The following GRK5 variants were observed in gnomAD, a reference collection of about 807,000 sequenced individuals.
GRK5 encodes the protein g protein-coupled receptor kinase GRK5.
A neutral mutation model predicts 78.4 loss-of-function variants in GRK5; 40 were observed. The ratio of observed to expected loss-of-function variants is 0.51; its 90% CI spans 0.40 to 0.66. GRK5 has a LOEUF of 0.66. Ranked by LOEUF, GRK5 falls within the 30% of genes least tolerant of loss-of-function variation. GRK5 has a pLI of 0.00. For missense variants in GRK5, 598 were observed against 759.9 expected (o/e 0.79, Z 2.50); for synonymous variants, 289 against 296.8 (o/e 0.97, Z 0.27).
intron 1 of GRK5, among the ~76,000 whole-genome samples, chr10:119,226,564 T>G (rs1848744763): frequency 6.8e-6 from 1 of 147,682 alleles, no homozygotes; most frequent in Non-Finnish European, 1.5e-5. Flanking sequence ...TTTTTTTTTT[T>G]GAGACACAGT....
intron 1 of GRK5, among the ~76,000 whole-genome samples, chr10:119,228,913 T>G (rs186283251): frequency 6.6e-6 from 1 of 152,180 alleles, no homozygotes; most frequent in Admixed American, 6.5e-5. Flanking sequence ...CCATGGGAGA[T>G]TCTAGGATTA....
intron 1 of GRK5, among the ~76,000 whole-genome samples, chr10:119,323,583 G>A (rs1343834790): frequency 6.6e-6 from 1 of 152,156 alleles, no homozygotes; most frequent in Non-Finnish European, 1.5e-5. Flanking sequence ...TTGTCTGGAG[G>A]CCACATGTGC....
chr10:119,452,934 G>C lies in GRK5; in HGVS notation c.1542+126G>C. Reference sequence around the variant, plus strand: ...GCATGGTTTCTGTTTTCTCCATGAAGGCAGCACACAAAAGCTGTCAGTGGC... The same window carrying C: ...GCATGGTTTCTGTTTTCTCCATGAACGCAGCACACAAAAGCTGTCAGTGGC... On this transcript the variant is annotated intron_variant, in intron 14 of 15. Transcript: ENST00000392870. This position sits in a 1 kb window ranked among gnomAD's most constrained non-coding sequence, Gnocchi z 4.4. 1 of 1,209,354 alleles carries C rather than the reference G, an allele frequency of 8.3e-7. No homozygotes were observed. Among genetic ancestry groups the C allele is most frequent in the Non-Finnish European group, 1.2e-6 (1 of 843,134 alleles). 74.9% of individuals were successfully genotyped at this position (1,209,354 alleles called of 1,614,324 possible).
At chr10:119,288,401 AG>A (rs35760081) in intron 1 of GRK5, among the ~76,000 whole-genome samples, 1 of 152,188 alleles carries the variant, frequency 6.6e-6, no homozygotes, top group South Asian at 2.1e-4. Flanking sequence ...TGTCTGGTTC[AG>A]GGTCTAGCAA....
chr10:119,297,335 A>G (rs935592243), intron 1 of GRK5, among the ~76,000 whole-genome samples: 1 of 152,224 alleles, frequency 6.6e-6, no homozygotes, highest in African/African-American at 2.4e-5. Context: ...CATTATCACT[A>G]TCACCATAAT....
Position 119,454,951 on chromosome 10 carries a change from C to T in GRK5, c.1675-18C>T, listed in dbSNP as rs764680888. On this transcript the variant is annotated intron_variant, in intron 15 of 15. Transcript: ENST00000392870. Reference sequence around the variant, plus strand: ...ACTTCTGTTCTCTCCACCCCGTCTCCCCCAACCCCAACCCCAGCATCAGAA... The same window carrying T: ...ACTTCTGTTCTCTCCACCCCGTCTCTCCCAACCCCAACCCCAGCATCAGAA... 4.4e-6 allele frequency: 7 copies of T among 1,574,698 alleles called. No homozygotes were observed. The highest frequency in any genetic ancestry group is 8.7e-7 in the Non-Finnish European group (1 of 1,145,098).
At chr10:119,296,730 G>A (rs906792366) in intron 1 of GRK5, among the ~76,000 whole-genome samples, 10 of 152,110 alleles carry the variant, frequency 6.6e-5, no homozygotes, top group South Asian at 2.1e-4. Context: ...TCAGTTTTGC[G>A]GCCCTCATAG....
chr10:119,234,550 T>C (rs1214189342), intron 1 of GRK5, among the ~76,000 whole-genome samples: 1 of 152,198 alleles, frequency 6.6e-6, no homozygotes, highest in Non-Finnish European at 1.5e-5. Flanking sequence ...GAAATGATAA[T>C]GTGTCTTAAA....
intron 3 of GRK5, among the ~76,000 whole-genome samples, chr10:119,389,993 G>A (rs547071520): frequency 1.8e-3 from 274 of 152,326 alleles, no homozygotes; most frequent in African/African-American, 6.4e-3. Flanking sequence ...ACTAGGTTAG[G>A]CTGGGATTGT....
At chr10:119,343,748 A>G (rs1199480555) in intron 2 of GRK5, among the ~76,000 whole-genome samples, 3 of 152,200 alleles carry the variant, frequency 2.0e-5, no homozygotes, top group Non-Finnish European at 2.9e-5. Context: ...CTTGCCCCGC[A>G]GATAGTAGGG....
intron 2 of GRK5, among the ~76,000 whole-genome samples, chr10:119,341,053 C>T (rs1850972984): frequency 6.6e-6 from 1 of 152,188 alleles, no homozygotes. Context: ...CGTGTGGCAC[C>T]TGGCCCAGTG....
chr10:119,365,141 C>T (rs750584227), intron 2 of GRK5, among the ~76,000 whole-genome samples: 2 of 152,126 alleles, frequency 1.3e-5, no homozygotes, highest in Non-Finnish European at 2.9e-5. Context: ...ATGTGGGACT[C>T]TTTAAAAAGA....
chr10:119,307,206 C>T (rs908970629), intron 1 of GRK5, among the ~76,000 whole-genome samples: 1 of 152,080 alleles, frequency 6.6e-6, no homozygotes, highest in Admixed American at 6.5e-5. Context: ...CCTGGAGTCA[C>T]ACAGCTAGTA....
chr10:119,319,425 G>A (rs749619697), intron 1 of GRK5, among the ~76,000 whole-genome samples: 1 of 152,254 alleles, frequency 6.6e-6, no homozygotes, highest in African/African-American at 2.4e-5. Context: ...TCCCCAGAGC[G>A]GGAGCCCCCC....
At chr10:119,370,025 C>G (rs1012939802) in intron 2 of GRK5, among the ~76,000 whole-genome samples, 5 of 152,192 alleles carry the variant, frequency 3.3e-5, no homozygotes, top group Admixed American at 3.3e-4. Flanking sequence ...AGCTCCATTA[C>G]TGCTCATGGT....
rs995217563 is a variant in GRK5, at chr10:119,455,293, T to C, written c.*226T>C. ...CGGCCGGGGTGGATTGGATTTGTCT[T>C]TGGTGAACATTGCAATAGAAATCCA... On this transcript the variant is annotated 3_prime_UTR_variant, in exon 16 of 16. Transcript: ENST00000392870. The C allele has an allele frequency of 8.7e-6, 6 of 693,080 alleles. No homozygotes were observed. The highest frequency in any genetic ancestry group is 1.3e-5 in the Non-Finnish European group (5 of 379,416). The allele number at this position is 693,080 out of a possible 1,614,324, so 42.9% of individuals were successfully genotyped here. A position where few individuals can be genotyped will look rare whatever the true frequency, so the allele number is the denominator to read the frequency against.
chr10:119,347,340 C>T (rs1851113259), intron 2 of GRK5, among the ~76,000 whole-genome samples: 1 of 151,418 alleles, frequency 6.6e-6, no homozygotes, highest in Admixed American at 6.6e-5. Context: ...TGTGAGTGTG[C>T]ATGTGTGTGC....
chr10:119,271,096 G>A lies in GRK5; in HGVS notation c.53-55420G>A, dbSNP rs1237098767. 6.6e-6 allele frequency among the ~76,000 whole-genome samples: 1 copy of A among 152,176 alleles called. No homozygotes were observed. Among genetic ancestry groups the A allele is most frequent in the East Asian group, 1.9e-4 (1 of 5,200 alleles). ...CTAGAAGTGACTGAATAGCAGACCG[G>A]GCTTTCGTAAGTAAGCTCACACTGT... On this transcript the variant is annotated intron_variant, in intron 1 of 15. Coordinates refer to ENST00000392870, the MANE Select transcript of GRK5 (RefSeq NM_005308.3). The surrounding 1 kb of genome is among the most constrained non-coding windows in gnomAD (Gnocchi z 4.1).
rs1050138982 is a variant in GRK5, at chr10:119,442,045, G to A, written c.1014G>A (p.Glu338=). 6.2e-6 allele frequency: 10 copies of A among 1,614,052 alleles called. No individual in the cohort carries two copies. The highest frequency in any genetic ancestry group is 8.5e-6 in the Non-Finnish European group (10 of 1,179,964). The change falls in exon 11 of 16, where the codon GAG becomes GAA. Residue 338 remains glutamate, a synonymous_variant. Transcript: ENST00000392870. ...SDLGLAVKIP[E]GDLIRGRVGT... ...TGGGCTTGGCTGTGAAGATCCCCGAGGGAGACCTGATCCGCGGCCGGGTGG... is the reference window on the plus strand; with the variant it reads ...TGGGCTTGGCTGTGAAGATCCCCGAAGGAGACCTGATCCGCGGCCGGGTGG...
Sources: gnomAD v4.1 joint callset for allele counts (sites outside exome capture counted in the v4.1 genomes callset) on GRCh38, gnomAD v4.1.1 for gene constraint, Gnocchi (gnomAD v3.1) non-coding constraint, MANE v1.5 for transcripts, NCBI Gene and HGNC (gene_info 2026-07-23, HGNC 2026-07-21) for gene names.